PDZRN3: variants seen among roughly 807,000 people sequenced by gnomAD.
PDZRN3 encodes the protein PDZ domain containing ring finger 3, also known as E3 ubiquitin-protein ligase PDZRN3.
In PDZRN3, 38 loss-of-function variants were observed where a neutral mutation model predicts 85.7. The ratio of observed to expected loss-of-function variants is 0.44; its 90% CI spans 0.34 to 0.58. The LOEUF is 0.58. Ranked by LOEUF, PDZRN3 falls within the 20% of genes least tolerant of loss-of-function variation. The probability of loss-of-function intolerance (pLI) is 0.01; values close to 1 mark genes in which losing one functional copy is unlikely to be tolerated. For missense variants in PDZRN3, 1,629 were observed against 1,506.4 expected, an observed-to-expected ratio of 1.08 and a Z score of -1.35; for synonymous variants, 759 against 638.0, an observed-to-expected ratio of 1.19 and a Z score of -2.86.
chr3:73,384,120 C>G lies in PDZRN3; in HGVS notation c.2446G>C (p.Glu816Gln). The G allele has an allele frequency of 2.5e-6, 4 of 1,614,028 alleles. No homozygotes were observed. Among genetic ancestry groups the G allele is most frequent in the Non-Finnish European group, 3.4e-6 (4 of 1,180,018 alleles). The stretch of plus-strand genomic sequence containing the variant: ...GGGCTATAGGTAGGGGTGCCCACTT[C>G]GGGATCTTCCGTGATGGAGAGCAGA... The part of the protein sequence containing the change: ...KNLLSITEDP[E>Q]VGTPTYSPSL... The change falls in exon 10 of 10, where the codon GAA (glutamate) becomes CAA (glutamine). Residue 816 changes from glutamate (E) to glutamine (Q), a missense_variant. Coordinates refer to ENST00000263666, the MANE Select transcript of PDZRN3 (RefSeq NM_015009.3).
At position 73,433,884 on chromosome 3, in the gene PDZRN3, C is replaced by G. The variant is rs911538013; in HGVS notation, c.919-29489G>C. 4 of 1,431,646 alleles carry G rather than the reference C, an allele frequency of 2.8e-6. No homozygotes were observed. In the African/African-American group the frequency reaches 4.3e-5, roughly 15 times the overall value. 88.7% of individuals were successfully genotyped at this position (1,431,646 alleles called of 1,614,324 possible). On this transcript the variant is annotated intron_variant, in intron 3 of 9. Coordinates refer to ENST00000263666, the MANE Select transcript of PDZRN3 (RefSeq NM_015009.3). ...GACAACAACTCTCTCCCCCCTTCCA[C>G]GCTTCCCTTCCTCCCCTCGCAGCAT...
intron 3 of PDZRN3, among the ~76,000 whole-genome samples, chr3:73,476,562 G>A (rs1270752788): frequency 1.3e-5 from 2 of 152,198 alleles, no homozygotes; most frequent in Non-Finnish European, 2.9e-5. Flanking sequence ...TCCCAAGGTT[G>A]TTGTGTGTGA....
intron 3 of PDZRN3, among the ~76,000 whole-genome samples, chr3:73,591,422 G>A (rs1702354760): frequency 6.6e-6 from 1 of 152,044 alleles, no homozygotes; most frequent in African/African-American, 2.4e-5. Flanking sequence ...TGATTTATAT[G>A]GCCTTAGGAA....
At chr3:73,551,488 G>A (rs1457218660) in intron 3 of PDZRN3, among the ~76,000 whole-genome samples, 1 of 152,026 alleles carries the variant, frequency 6.6e-6, no homozygotes, top group Non-Finnish European at 1.5e-5. Flanking sequence ...TTTGAGACTG[G>A]CCTAGGCCAC....
Position 73,624,837 on chromosome 3 carries a change from G to A in PDZRN3, c.-12C>T. ...AGCTCGAAGCCCATGGTGGCGGCCAGGCCCCGGGGTCGCCGCCGGGCGGCC... is the reference window on the plus strand; with the variant it reads ...AGCTCGAAGCCCATGGTGGCGGCCAAGCCCCGGGGTCGCCGCCGGGCGGCC... On this transcript the variant is annotated 5_prime_UTR_variant, in exon 1 of 10. Coordinates refer to ENST00000263666, the MANE Select transcript of PDZRN3 (RefSeq NM_015009.3). The A allele has an allele frequency of 7.8e-7, 1 of 1,288,778 alleles. No homozygotes were observed. Among genetic ancestry groups the A allele is most frequent in the Non-Finnish European group, 9.8e-7 (1 of 1,020,726 alleles). The allele number at this position is 1,288,778 out of a possible 1,614,324, so 79.8% of individuals were successfully genotyped here.
At chr3:73,440,889 C>T (rs1047361666) in intron 3 of PDZRN3, among the ~76,000 whole-genome samples, 1 of 152,130 alleles carries the variant, frequency 6.6e-6, no homozygotes, top group African/African-American at 2.4e-5. Flanking sequence ...ACCAGGGGGA[C>T]GGTTCCTGAA....
intron 3 of PDZRN3, among the ~76,000 whole-genome samples, chr3:73,453,424 C>CAAAAAAAAAAAAAAAAAAAA (rs372949149): frequency 1.0e-5 from 1 of 96,798 alleles, no homozygotes; most frequent in Non-Finnish European, 1.9e-5. Flanking sequence ...AAAAAAAAAA[C>CAAAAAAAAAAAAAAAAAAAA]AAAAAAAAAA....
intron 8 of PDZRN3, among the ~76,000 whole-genome samples, chr3:73,387,395 C>A (rs1407578396): frequency 1.3e-5 from 2 of 152,166 alleles, no homozygotes; most frequent in African/African-American, 4.8e-5. Context: ...TTACTTGGGC[C>A]TGAACCCCTC....
chr3:73,382,877 C>G lies in PDZRN3; in HGVS notation c.*488G>C, dbSNP rs1703268364. 6.5e-6 allele frequency: 1 copy of G among 154,988 alleles called. No homozygotes were observed. The highest frequency in any genetic ancestry group is 2.0e-4 in the South Asian group (1 of 5,014). 9.6% of individuals were successfully genotyped at this position (154,988 alleles called of 1,614,324 possible). ...GGGTTGGGTGGTTTTGAGTTGAAAC[C>G]TTCACCTAAATGATAATATCTTAAC... On this transcript the variant is annotated 3_prime_UTR_variant, in exon 10 of 10. Coordinates refer to ENST00000263666, the MANE Select transcript of PDZRN3 (RefSeq NM_015009.3).
At chr3:73,594,832 A>C (rs1702410623) in intron 3 of PDZRN3, among the ~76,000 whole-genome samples, 2 of 152,170 alleles carry the variant, frequency 1.3e-5, no homozygotes, top group Non-Finnish European at 2.9e-5. Context: ...ACAAGTGGAG[A>C]CTAAAAAGAT....
chr3:73,466,424 G>A (rs1010901150), intron 3 of PDZRN3, among the ~76,000 whole-genome samples: 2 of 152,010 alleles, frequency 1.3e-5, no homozygotes, highest in African/African-American at 2.4e-5. Context: ...AGACACTCAC[G>A]GTGGCTGTGT....
intron 3 of PDZRN3, among the ~76,000 whole-genome samples, chr3:73,557,895 C>T (rs1011719077): frequency 1.3e-5 from 2 of 152,002 alleles, no homozygotes; most frequent in African/African-American, 4.8e-5. Context: ...AATACAAAAA[C>T]TCAAGAGTTA....
intron 3 of PDZRN3, among the ~76,000 whole-genome samples, chr3:73,430,289 A>G (rs1334223274): frequency 1.3e-5 from 2 of 152,212 alleles, no homozygotes; most frequent in African/African-American, 4.8e-5. Context: ...GGCTGTCAGT[A>G]ATGAATAGTC....
intron 3 of PDZRN3, among the ~76,000 whole-genome samples, chr3:73,550,247 C>T (rs1427682063): frequency 6.6e-6 from 1 of 152,198 alleles, no homozygotes; most frequent in African/African-American, 2.4e-5. Flanking sequence ...CGCCACCCCT[C>T]AACCCCCCAG....
intron 1 of PDZRN3, among the ~76,000 whole-genome samples, chr3:73,619,762 T>C (rs918770803): frequency 2.0e-5 from 3 of 152,162 alleles, no homozygotes; most frequent in Non-Finnish European, 2.9e-5. Flanking sequence ...TTGGACCTTA[T>C]AGCCAACCAA....
At chr3:73,405,120 T>C (rs1701827218) in intron 3 of PDZRN3, among the ~76,000 whole-genome samples, 1 of 152,190 alleles carries the variant, frequency 6.6e-6, no homozygotes, top group Non-Finnish European at 1.5e-5. Context: ...TCCTGTGAAG[T>C]TGGCAGGACT....
At chr3:73,386,682 A>C (rs1416615306) in intron 8 of PDZRN3, among the ~76,000 whole-genome samples, 1 of 152,226 alleles carries the variant, frequency 6.6e-6, no homozygotes, top group Non-Finnish European at 1.5e-5. Flanking sequence ...TTTGCACTAG[A>C]GTGACAGTCT....
chr3:73,411,553 G>C (rs914926136), intron 3 of PDZRN3, among the ~76,000 whole-genome samples: 1 of 151,408 alleles, frequency 6.6e-6, no homozygotes, highest in African/African-American at 2.5e-5. Context: ...AGAAGTGCTC[G>C]TATGGGCTGG....
At chr3:73,446,708 C>G (rs1465483444) in intron 3 of PDZRN3, among the ~76,000 whole-genome samples, 1 of 152,174 alleles carries the variant, frequency 6.6e-6, no homozygotes, top group African/African-American at 2.4e-5. Context: ...GGAAAACAGA[C>G]TGCTTCTGGC....
Sources: allele counts gnomAD v4.1 joint callset (sites outside exome capture counted in the v4.1 genomes callset), GRCh38; gene constraint gnomAD v4.1.1; transcripts MANE v1.5; gene names NCBI Gene and HGNC (gene_info 2026-07-23, HGNC 2026-07-21).